SHISA6: variants seen among roughly 807,000 people sequenced by gnomAD.
The protein encoded by SHISA6 is protein shisa-6.
SHISA6 carries 22 observed loss-of-function variants against 47.9 expected under a neutral mutation model. The observed-to-expected ratio is 0.46, with a 90% CI of 0.33 to 0.66. The LOEUF (loss-of-function observed/expected upper bound fraction) is 0.66, where lower values mean the gene tolerates loss of function less well. Ranked by LOEUF, SHISA6 falls within the 30% of genes least tolerant of loss-of-function variation. SHISA6 has a pLI of 0.02. For missense variants in SHISA6, 680 were observed against 764.6 expected (o/e 0.89, Z 1.30); for synonymous variants, 388 against 337.8 (o/e 1.15, Z -1.63).
chr17:11,277,318 A>C (rs145521088), intron 2 of SHISA6, among the ~76,000 whole-genome samples: 1,436 of 127,972 alleles, frequency 0.011, 5 homozygotes, highest in African/African-American at 0.016. Context: ...ACACACACAC[A>C]CCCCGCATGT....
intron 2 of SHISA6, among the ~76,000 whole-genome samples, chr17:11,346,986 TAGGCAC>T (rs1386766904): frequency 6.6e-6 from 1 of 152,230 alleles, no homozygotes; most frequent in African/African-American, 2.4e-5. Flanking sequence ...ATGACTTTTA[TAGGCAC>T]AGTATCATGT....
Position 11,390,006 on chromosome 17 carries a change from A to T in SHISA6, c.895+10497A>T, listed in dbSNP as rs117100098. 5.3e-5 allele frequency among the ~76,000 whole-genome samples: 8 copies of T among 152,350 alleles called. No individual in the cohort carries two copies. In the East Asian group the frequency reaches 1.5e-3, roughly 29 times the overall value. On this transcript the variant is annotated intron_variant, in intron 3 of 5. Coordinates refer to ENST00000441885, the MANE Select transcript of SHISA6 (RefSeq NM_207386.4). ...AGTGGCCAGGATTCCATGGTGGCCT[A>T]GAAGTGGGGCAGAAGACTGGTGTTC... is the stretch of plus-strand genomic sequence containing the variant.
rs16944630 is a variant in SHISA6, at chr17:11,351,581, A to C, written c.800-27833A>C. Among the ~76,000 whole-genome samples, 1,407 of 152,286 alleles carry C rather than the reference A, an allele frequency of 9.2e-3. 26 individuals are homozygous for C. The highest frequency in any genetic ancestry group is 0.032 in the African/African-American group (1,316 of 41,560). Reference sequence around the variant, plus strand: ...TGCTTCTATTATTTCTTAATCATGTATTCATTACAGCAGTGATCACATTTC... The same window carrying C: ...TGCTTCTATTATTTCTTAATCATGTCTTCATTACAGCAGTGATCACATTTC... On this transcript the variant is annotated intron_variant, in intron 2 of 5. Coordinates refer to ENST00000441885, the MANE Select transcript of SHISA6 (RefSeq NM_207386.4).
intron 2 of SHISA6, among the ~76,000 whole-genome samples, chr17:11,266,697 A>G (rs1321568020): frequency 2.0e-5 from 3 of 152,224 alleles, no homozygotes; most frequent in East Asian, 1.9e-4. Context: ...CTATGAAGGC[A>G]CATCCACAGC....
intron 1 of SHISA6, among the ~76,000 whole-genome samples, chr17:11,262,685 G>A (rs1908275667): frequency 1.3e-5 from 2 of 152,216 alleles, no homozygotes; most frequent in African/African-American, 4.8e-5. Context: ...ACCTCTTGCA[G>A]GGGGGCGGGT....
intron 2 of SHISA6, among the ~76,000 whole-genome samples, chr17:11,303,443 AG>A (rs1909997161): frequency 6.6e-6 from 1 of 151,478 alleles, no homozygotes; most frequent in Non-Finnish European, 1.5e-5. Flanking sequence ...TTTTGTGTGC[AG>A]TTGTATGGCT....
rs973017744 is a variant in SHISA6, at chr17:11,443,135, G to A, written c.895+63626G>A. Among the ~76,000 whole-genome samples, 31 of 152,286 alleles carry A rather than the reference G, an allele frequency of 2.0e-4. 1 individual carries two copies. Among genetic ancestry groups the A allele is most frequent in the South Asian group, 6.2e-4 (3 of 4,818 alleles). ...CAGTTGTGACACACGTACTTGACCC[G>A]GCCTGAGAAGCCTTGTCTTCAGGAG... On this transcript the variant is annotated intron_variant, in intron 3 of 5. Transcript: ENST00000441885.
chr17:11,552,016 G>C (rs2071936059), intron 4 of SHISA6, 64 bp downstream of exon 4: 1 of 1,479,674 alleles, frequency 6.8e-7, no homozygotes, highest in Non-Finnish European at 9.2e-7. Context: ...TTCTAAGGAT[G>C]GATGCCTATC....
At chr17:11,525,443 G>C (rs1052403308) in intron 3 of SHISA6, among the ~76,000 whole-genome samples, 1 of 150,978 alleles carries the variant, frequency 6.6e-6, no homozygotes, top group East Asian at 2.0e-4. Flanking sequence ...GACCATCCTG[G>C]CAAACACGGT....
chr17:11,311,976 A>T (rs1261537197), intron 2 of SHISA6, among the ~76,000 whole-genome samples: 2 of 151,990 alleles, frequency 1.3e-5, no homozygotes, highest in African/African-American at 4.8e-5. Flanking sequence ...GGGTTTTGCC[A>T]TGTTGTCCAG....
chr17:11,399,877 G>A (rs1239750864), intron 3 of SHISA6, among the ~76,000 whole-genome samples: 1 of 152,070 alleles, frequency 6.6e-6, no homozygotes, highest in African/African-American at 2.4e-5. Flanking sequence ...ACTGTCAAAG[G>A]TCCCTGAGAA....
chr17:11,526,284 A>G lies in SHISA6; in HGVS notation c.896-25612A>G, dbSNP rs2071680888. Among the ~76,000 whole-genome samples, 5 of 152,168 alleles carry G rather than the reference A, an allele frequency of 3.3e-5. 1 individual carries two copies. The South Asian group carries it at 1.0e-3, about 32-fold the overall frequency. The stretch of plus-strand genomic sequence containing the variant: ...TGGAGATTGCATTCCTGGGCAGTGC[A>G]AATCCTCTGTTTTGTAATAAACAAT... On this transcript the variant is annotated intron_variant, in intron 3 of 5. Coordinates refer to ENST00000441885, the MANE Select transcript of SHISA6 (RefSeq NM_207386.4).
At chr17:11,450,810 G>T (rs184593268) in intron 3 of SHISA6, among the ~76,000 whole-genome samples, 180 of 152,124 alleles carry the variant, frequency 1.2e-3, no homozygotes, top group African/African-American at 3.8e-3. Context: ...AGAACCAATT[G>T]GTCGATGGTT....
chr17:11,277,231 C>T (rs972833176), intron 2 of SHISA6, among the ~76,000 whole-genome samples: 12 of 141,146 alleles, frequency 8.5e-5, no homozygotes, highest in Non-Finnish European at 1.7e-4. Context: ...TCCCCATCCC[C>T]GGTTTCTCTT....
chr17:11,508,965 CTCCTG>C (rs2071521836), intron 3 of SHISA6, among the ~76,000 whole-genome samples: 1 of 88,576 alleles, frequency 1.1e-5, no homozygotes, highest in African/African-American at 4.3e-5. Context: ...CAGAGAAACC[CTCCTG>C]AGGAAGAAAA....
At chr17:11,243,177 C>A (rs978482674) in intron 1 of SHISA6, among the ~76,000 whole-genome samples, 1 of 151,664 alleles carries the variant, frequency 6.6e-6, no homozygotes, top group Non-Finnish European at 1.5e-5. Flanking sequence ...CTCTTCTCTG[C>A]GTCCTGCTTG....
intron 3 of SHISA6, among the ~76,000 whole-genome samples, chr17:11,539,233 C>T (rs1486260880): frequency 1.3e-5 from 2 of 152,234 alleles, no homozygotes. Context: ...TGAGCCACCA[C>T]ACCCGGCCCA....
Position 11,287,084 on chromosome 17 carries a change from G to A in SHISA6, c.799+23558G>A, listed in dbSNP as rs538733467. 2.0e-5 allele frequency among the ~76,000 whole-genome samples: 3 copies of A among 152,176 alleles called. No individual in the cohort carries two copies. The South Asian group carries it at 6.2e-4, about 32-fold the overall frequency. ...TAAAATATTTTCACTTTAGAAACATGTGAAAATGCAGTGAGTAAAAGAAAA... is the reference window on the plus strand; with the variant it reads ...TAAAATATTTTCACTTTAGAAACATATGAAAATGCAGTGAGTAAAAGAAAA... On this transcript the variant is annotated intron_variant, in intron 2 of 5. Transcript: ENST00000441885.
At chr17:11,303,229 C>T (rs1347968783) in intron 2 of SHISA6, among the ~76,000 whole-genome samples, 4 of 151,272 alleles carry the variant, frequency 2.6e-5, no homozygotes, top group African/African-American at 9.7e-5. Context: ...GTGTAAGATT[C>T]AGTGTGATTG....
Sources: gnomAD v4.1 joint callset for allele counts (sites outside exome capture counted in the v4.1 genomes callset) on GRCh38, gnomAD v4.1.1 for gene constraint, MANE v1.5 for transcripts, NCBI Gene and HGNC (gene_info 2026-07-23, HGNC 2026-07-21) for gene names.